Variants in COQ2 observed in about 807,000 individuals in gnomAD.
The protein encoded by COQ2 is coenzyme Q2, polyprenyltransferase.
In COQ2, 25 loss-of-function variants were observed where a neutral mutation model predicts 35.7. The observed-to-expected ratio is 0.70, with a 90% CI of 0.51 to 0.98. The LOEUF is 0.98. Ranked by LOEUF, COQ2 falls within the 50% of genes least tolerant of loss-of-function variation. The probability of loss-of-function intolerance (pLI) is 0.00; values close to 1 mark genes in which losing one functional copy is unlikely to be tolerated. For missense variants in COQ2, 488 were observed against 473.5 expected, an observed-to-expected ratio of 1.03 and a Z score of -0.28; for synonymous variants, 206 against 186.2, an observed-to-expected ratio of 1.11 and a Z score of -0.86.
At chr4:83,284,446 C>G (rs1273458565) in intron 1 of COQ2, 66 bp downstream of exon 1, 6 of 1,498,438 alleles carry the variant, frequency 4.0e-6, no homozygotes, top group Non-Finnish European at 5.3e-6. Context: ...CCGCGGACAG[C>G]TCCGCGGAGC....
chr4:83,266,983 T>A (rs1387348449), intron 6 of COQ2: 1 of 337,856 alleles, frequency 3.0e-6, no homozygotes, highest in Non-Finnish European at 5.7e-6. Context: ...AACCACAAGC[T>A]TCAGATATCA....
At chr4:83,281,118 C>T (rs1467927447) in intron 1 of COQ2, among the ~76,000 whole-genome samples, 1 of 152,246 alleles carries the variant, frequency 6.6e-6, no homozygotes, top group Admixed American at 6.5e-5. Context: ...CTGTTAATAA[C>T]CCTATCTTAC....
chr4:83,278,311 C>T (rs1220634463), intron 2 of COQ2, among the ~76,000 whole-genome samples: 1 of 151,810 alleles, frequency 6.6e-6, no homozygotes, highest in Non-Finnish European at 1.5e-5. Flanking sequence ...AATAATTATA[C>T]ACATGCATTA....
chr4:83,271,214 GTGCTA>G (rs1735040374), intron 4 of COQ2, among the ~76,000 whole-genome samples: 1 of 152,154 alleles, frequency 6.6e-6, no homozygotes, highest in Non-Finnish European at 1.5e-5. Flanking sequence ...ACCGCACCAA[GTGCTA>G]TGCTAAATGC....
upstream of COQ2, chr4:83,284,885 C>G (rs183012002): frequency 2.6e-6 from 4 of 1,523,860 alleles, no homozygotes; most frequent in African/African-American, 2.8e-5. Flanking sequence ...CAGAACCTTT[C>G]CTCATCCTTA....
At chr4:83,283,627 C>G in intron 1 of COQ2, 1 of 985,420 alleles carries the variant, frequency 1.0e-6, no homozygotes. Context: ...ATTTTCCTAG[C>G]TCACCAAATA....
At position 83,279,029 on chromosome 4, in the gene COQ2, G is replaced by A; in HGVS notation, c.339C>T (p.Ser113=). 6.2e-7 allele frequency: 1 copy of A among 1,604,642 alleles called. No individual in the cohort carries two copies. Among genetic ancestry groups the A allele is most frequent in the Non-Finnish European group, 8.5e-7 (1 of 1,175,274 alleles). The stretch of plus-strand genomic sequence containing the variant: ...TCAGAATAGCTCCAGTGCCAAAGAG[G>A]GAGAGCATGTACCAATCTGGAAAAC... ...PGCFPDWYML[S]LFGTGAILMR... is the part of the protein sequence containing the mutation. The change falls in exon 2 of 7, where the codon TCC becomes TCT. Residue 113 remains serine, a synonymous_variant. Coordinates refer to ENST00000647002, the MANE Select transcript of COQ2 (RefSeq NM_001358921.2).
chr4:83,279,625 T>C (rs1199198179), intron 1 of COQ2, among the ~76,000 whole-genome samples: 3 of 152,048 alleles, frequency 2.0e-5, no homozygotes, highest in African/African-American at 7.2e-5. Context: ...AAAACATTCA[T>C]GCGTCAATGT....
At chr4:83,283,811 T>A (rs1351631361) in intron 1 of COQ2, 12 of 985,310 alleles carry the variant, frequency 1.2e-5, no homozygotes, top group Non-Finnish European at 1.4e-5. Flanking sequence ...TAAGAAAAAT[T>A]GCGGATAAAG....
At chr4:83,268,164 G>A (rs890661369) in intron 5 of COQ2, among the ~76,000 whole-genome samples, 12 of 152,164 alleles carry the variant, frequency 7.9e-5, no homozygotes, top group Non-Finnish European at 1.6e-4. Context: ...CTACCTCAGA[G>A]TTCTCAAATC....
chr4:83,271,791 C>T (rs372058354), intron 4 of COQ2, among the ~76,000 whole-genome samples: 2 of 151,788 alleles, frequency 1.3e-5, no homozygotes, highest in East Asian at 3.9e-4. Flanking sequence ...CCAGCCTGAG[C>T]AACAGATCAA....
At chr4:83,265,369 C>A (rs1171365947) in intron 6 of COQ2, among the ~76,000 whole-genome samples, 1 of 152,100 alleles carries the variant, frequency 6.6e-6, no homozygotes, top group Non-Finnish European at 1.5e-5. Flanking sequence ...CAAGAGTTTG[C>A]GATCAGTCTG....
intron 4 of COQ2, among the ~76,000 whole-genome samples, chr4:83,270,810 T>C (rs2126172694): frequency 6.6e-6 from 1 of 152,198 alleles, no homozygotes; most frequent in East Asian, 1.9e-4. Context: ...CATTTTTATT[T>C]TCCCAGTACC....
intron 1 of COQ2, chr4:83,283,817 T>A: frequency 1.0e-6 from 1 of 985,408 alleles, no homozygotes; most frequent in Non-Finnish European, 1.2e-6. Context: ...AAATTGCGGA[T>A]AAAGCGATAG....
At chr4:83,279,284 G>A (rs920350413) in intron 1 of COQ2, among the ~76,000 whole-genome samples, 170 bp from the exon 2 acceptor site, 11 of 151,874 alleles carry the variant, frequency 7.2e-5, no homozygotes, top group African/African-American at 1.5e-4. Context: ...CCCTTACTAC[G>A]CAGAGTGCCT....
intron 6 of COQ2, among the ~76,000 whole-genome samples, chr4:83,266,439 C>A (rs2126171119): frequency 6.6e-6 from 1 of 151,410 alleles, no homozygotes; most frequent in East Asian, 1.9e-4. Context: ...CTCACTGGAA[C>A]CTCTACCTCC....
chr4:83,281,813 A>T (rs1362897416), intron 1 of COQ2, among the ~76,000 whole-genome samples: 1 of 152,210 alleles, frequency 6.6e-6, no homozygotes, highest in African/African-American at 2.4e-5. Context: ...AAGACCACAC[A>T]GGTAAAAAAA....
At chr4:83,278,022 ACG>A (rs1179244976) in intron 2 of COQ2, among the ~76,000 whole-genome samples, 2 of 136,622 alleles carry the variant, frequency 1.5e-5, no homozygotes, top group African/African-American at 5.5e-5. Flanking sequence ...ACACACACAC[ACG>A]TAACACTATT....
chr4:83,264,129 A>C lies in COQ2; in HGVS notation c.*70T>G, dbSNP rs1003092079. On this transcript the variant is annotated 3_prime_UTR_variant, in exon 7 of 7. Coordinates refer to ENST00000647002, the MANE Select transcript of COQ2 (RefSeq NM_001358921.2). The stretch of plus-strand genomic sequence containing the variant: ...TCTTAATTCTTTAACATATTGTATC[A>C]GATTTTGTATTCAAATCTAATTATA... 1.6e-5 allele frequency: 13 copies of C among 833,104 alleles called. No individual in the cohort carries two copies. In the African/African-American group the frequency reaches 2.3e-4, roughly 15 times the overall value. 51.6% of individuals were successfully genotyped at this position (833,104 alleles called of 1,614,324 possible).
Sources: allele counts gnomAD v4.1 joint callset (sites outside exome capture counted in the v4.1 genomes callset), GRCh38; gene constraint gnomAD v4.1.1; transcripts MANE v1.5; gene names NCBI Gene and HGNC (gene_info 2026-07-23, HGNC 2026-07-21).